Variants in SLC2A13 observed in about 807,000 individuals in gnomAD.
SLC2A13 encodes solute carrier family 2 member 13.
In SLC2A13, 32 loss-of-function variants were observed where a neutral mutation model predicts 64.4. The observed-to-expected ratio is 0.50, with a 90% CI of 0.37 to 0.67. The LOEUF is 0.67. Ranked by LOEUF, SLC2A13 falls within the 30% of genes least tolerant of loss-of-function variation. SLC2A13 has a pLI of 0.00. For missense variants in SLC2A13, 743 were observed against 829.2 expected (o/e 0.90, Z 1.28); for synonymous variants, 338 against 327.1 (o/e 1.03, Z -0.36).
chr12:39,970,350 C>T (rs1946622640), intron 3 of SLC2A13, among the ~76,000 whole-genome samples: 1 of 152,134 alleles, frequency 6.6e-6, no homozygotes, highest in Non-Finnish European at 1.5e-5. Flanking sequence ...GTTGCCCTTT[C>T]TTGTTCTATT....
At chr12:39,860,818 TC>T (rs1348643786) in intron 6 of SLC2A13, among the ~76,000 whole-genome samples, 1 of 152,158 alleles carries the variant, frequency 6.6e-6, no homozygotes, top group African/African-American at 2.4e-5. Context: ...GTCATCTCTC[TC>T]ATAGACAACT....
intron 4 of SLC2A13, among the ~76,000 whole-genome samples, chr12:39,931,861 T>C (rs1945830893): frequency 6.6e-6 from 1 of 152,154 alleles, no homozygotes; most frequent in Non-Finnish European, 1.5e-5. Flanking sequence ...GTTTTGATTT[T>C]ATACTAATTA....
chr12:39,967,596 T>C (rs11564221), intron 3 of SLC2A13, among the ~76,000 whole-genome samples: 14,053 of 152,282 alleles, frequency 0.092, 832 homozygotes, highest in Admixed American at 0.15. Flanking sequence ...GTGGCTATTA[T>C]AAATTATTCC....
intron 7 of SLC2A13, among the ~76,000 whole-genome samples, chr12:39,794,430 C>T (rs1177234194): frequency 6.6e-6 from 1 of 152,166 alleles, no homozygotes; most frequent in Non-Finnish European, 1.5e-5. Context: ...ATTTTAAATT[C>T]TGCCTAAAGG....
chr12:39,920,620 G>A (rs1049458339), intron 4 of SLC2A13, among the ~76,000 whole-genome samples: 1 of 152,042 alleles, frequency 6.6e-6, no homozygotes, highest in African/African-American at 2.4e-5. Context: ...AAGATCTGGG[G>A]TGAAGTCCGA....
At chr12:39,816,132 C>A (rs1942332738) in intron 7 of SLC2A13, among the ~76,000 whole-genome samples, 1 of 152,142 alleles carries the variant, frequency 6.6e-6, no homozygotes, top group South Asian at 2.1e-4. Flanking sequence ...TAGAATTTGC[C>A]TATTCCTTTT....
chr12:39,896,446 A>T (rs918974632), intron 4 of SLC2A13, among the ~76,000 whole-genome samples: 7 of 131,910 alleles, frequency 5.3e-5, no homozygotes, highest in Non-Finnish European at 7.9e-5. Context: ...ACATATATGT[A>T]TATGTGTGTA....
intron 7 of SLC2A13, among the ~76,000 whole-genome samples, chr12:39,809,082 GT>G (rs1942064282): frequency 6.6e-6 from 1 of 151,884 alleles, no homozygotes; most frequent in Non-Finnish European, 1.5e-5. Context: ...GCTTTTTTGT[GT>G]TTAGGGTGTA....
intron 1 of SLC2A13, chr12:40,068,503 C>A: frequency 3.9e-6 from 1 of 258,632 alleles, no homozygotes; most frequent in South Asian, 4.8e-5. Context: ...TGCTTGTACC[C>A]CAGGACATAC....
intron 3 of SLC2A13, among the ~76,000 whole-genome samples, chr12:39,992,899 T>G (rs1947161974): frequency 6.6e-6 from 1 of 152,258 alleles, no homozygotes; most frequent in Non-Finnish European, 1.5e-5. Flanking sequence ...GCTGTGTCCT[T>G]GTTATTTTCC....
intron 4 of SLC2A13, among the ~76,000 whole-genome samples, chr12:39,883,681 C>G (rs1255131050): frequency 6.6e-6 from 1 of 152,122 alleles, no homozygotes; most frequent in Non-Finnish European, 1.5e-5. Flanking sequence ...CTTAAAGGTT[C>G]ACTTGTAAGT....
chr12:39,965,677 A>C (rs904861164), intron 3 of SLC2A13, among the ~76,000 whole-genome samples: 1 of 152,188 alleles, frequency 6.6e-6, no homozygotes, highest in African/African-American at 2.4e-5. Flanking sequence ...AGATTAGTTC[A>C]GAAATTTCAG....
At chr12:40,037,146 A>G (rs946622403) in intron 2 of SLC2A13, among the ~76,000 whole-genome samples, 13 of 152,076 alleles carry the variant, frequency 8.5e-5, no homozygotes, top group African/African-American at 3.1e-4. Context: ...TTTGTTAAGG[A>G]TACCTTTTGG....
chr12:39,872,506 G>C (rs1017910112), intron 4 of SLC2A13, among the ~76,000 whole-genome samples: 1 of 152,174 alleles, frequency 6.6e-6, no homozygotes, highest in African/African-American at 2.4e-5. Flanking sequence ...ACTGACATGG[G>C]ACCCATGAGA....
chr12:40,104,798 G>A (rs1939249907), intron 1 of SLC2A13, among the ~76,000 whole-genome samples: 1 of 152,178 alleles, frequency 6.6e-6, no homozygotes. Flanking sequence ...GTAACTTGAC[G>A]ATGGTCTAGG....
chr12:39,804,329 T>C (rs988356025), intron 7 of SLC2A13, among the ~76,000 whole-genome samples: 7 of 152,178 alleles, frequency 4.6e-5, no homozygotes, highest in Non-Finnish European at 1.0e-4. Flanking sequence ...AGAGAAATAG[T>C]TCTAATCTTA....
intron 1 of SLC2A13, among the ~76,000 whole-genome samples, chr12:40,062,929 C>A (rs1948446958): frequency 6.6e-6 from 1 of 152,086 alleles, no homozygotes; most frequent in South Asian, 2.1e-4. Context: ...AAGTTAATAG[C>A]AAGCTAGCCA....
In SLC2A13 at chr12:39,957,550, C is replaced by T. The variant is rs554273567; in HGVS notation, c.926-6185G>A. On this transcript the variant is annotated intron_variant, in intron 3 of 9. Coordinates refer to ENST00000280871, the MANE Select transcript of SLC2A13 (RefSeq NM_052885.4). ...TTCCAGATTTATCTACTTCAAGCCA[C>T]TCATTTCATTCCCACATCCAGGGAG... is the stretch of plus-strand genomic sequence containing the variant. 5.3e-5 allele frequency among the ~76,000 whole-genome samples: 8 copies of T among 152,316 alleles called. No homozygotes were observed. In the South Asian group the frequency reaches 1.7e-3, roughly 32 times the overall value.
At position 39,966,216 on chromosome 12, in the gene SLC2A13, TGAGA is replaced by T. The variant is rs779800423; in HGVS notation, c.926-14855_926-14852del. Reference sequence around the variant, plus strand: ...TATGTATAAATACATAAATACAGCGTGAGAGAGAGAGGTTTTGTAGTTACAATGA... The same window carrying T: ...TATGTATAAATACATAAATACAGCGTGAGAGAGGTTTTGTAGTTACAATGA... On this transcript the variant is annotated intron_variant, in intron 3 of 9. Transcript: ENST00000280871. 1.3e-4 allele frequency among the ~76,000 whole-genome samples: 19 copies of T among 151,124 alleles called. No individual in the cohort carries two copies. In the East Asian group the frequency reaches 2.1e-3, roughly 17 times the overall value.
Sources: gnomAD v4.1 joint callset for allele counts (sites outside exome capture counted in the v4.1 genomes callset) on GRCh38, gnomAD v4.1.1 for gene constraint, MANE v1.5 for transcripts, NCBI Gene and HGNC (gene_info 2026-07-23, HGNC 2026-07-21) for gene names.